Variants in ROR1 observed in about 807,000 individuals in gnomAD.
ROR1 encodes the protein inactive tyrosine-protein kinase transmembrane receptor ROR1.
Under a neutral mutation model 78.8 loss-of-function variants are expected in ROR1, and 19 were observed. That is an observed-to-expected ratio of 0.24 (90% CI 0.17 to 0.35). The LOEUF (loss-of-function observed/expected upper bound fraction) is 0.35, where lower values mean the gene tolerates loss of function less well. Ranked by LOEUF, ROR1 falls within the 10% of genes least tolerant of loss-of-function variation. The pLI is 1.00. For synonymous variants in ROR1, 386 were observed against 433.6 expected (o/e 0.89, Z 1.36); for missense variants, 917 against 1,177.8 (o/e 0.78, Z 3.24).
chr1:64,009,439 C>T (rs1268225462), intron 2 of ROR1, 63 bp downstream of exon 2: 12 of 1,257,284 alleles, frequency 9.5e-6, no homozygotes, highest in Non-Finnish European at 1.4e-5. Flanking sequence ...TTAATCCTGG[C>T]ATGACCTTCT....
At chr1:64,126,682 T>C (rs1648723905) in intron 4 of ROR1, among the ~76,000 whole-genome samples, 1 of 152,174 alleles carries the variant, frequency 6.6e-6, no homozygotes, top group East Asian at 1.9e-4. Flanking sequence ...ACCCTGGTCT[T>C]CTCATTTCCA....
intron 1 of ROR1, among the ~76,000 whole-genome samples, chr1:63,811,708 A>G (rs753931736): frequency 1.4e-4 from 21 of 152,112 alleles, no homozygotes; most frequent in Non-Finnish European, 1.8e-4. Context: ...CTGTCTCCTC[A>G]TCTGTGAGGT....
intron 1 of ROR1, among the ~76,000 whole-genome samples, chr1:63,888,568 C>T (rs141050981): frequency 2.1e-4 from 32 of 152,040 alleles, no homozygotes; most frequent in African/African-American, 5.5e-4. Flanking sequence ...GACTGCAGTG[C>T]GCTATAATTG....
At chr1:63,892,186 T>C (rs1645402717) in intron 1 of ROR1, among the ~76,000 whole-genome samples, 1 of 152,214 alleles carries the variant, frequency 6.6e-6, no homozygotes, top group Non-Finnish European at 1.5e-5. Flanking sequence ...ACACAGTTCA[T>C]TTCCTTGAAT....
chr1:64,140,609 T>A lies in ROR1; in HGVS notation c.928+183T>A, dbSNP rs551685276. ...ACATAGTTATCTTCAAGAAGCTTCA[T>A]GAAGACAATAATTTTAAAATATTGG... On this transcript the variant is annotated intron_variant, in intron 6 of 8. Coordinates refer to ENST00000371079, the MANE Select transcript of ROR1 (RefSeq NM_005012.4). Among the ~76,000 whole-genome samples, 4 of 152,338 alleles carry A rather than the reference T, an allele frequency of 2.6e-5. No homozygotes were observed. The East Asian group carries it at 7.7e-4, about 29-fold the overall frequency.
chr1:64,087,812 C>T (rs989040319), intron 4 of ROR1, among the ~76,000 whole-genome samples: 4 of 152,124 alleles, frequency 2.6e-5, no homozygotes, highest in South Asian at 2.1e-4. Flanking sequence ...GTCAGTCTGT[C>T]GACAAGGAAC....
intron 8 of ROR1, among the ~76,000 whole-genome samples, chr1:64,164,562 T>A (rs921764051): frequency 6.6e-6 from 1 of 152,200 alleles, no homozygotes; most frequent in Admixed American, 6.5e-5. Flanking sequence ...TAACCAGAAA[T>A]TACTATTATT....
intron 1 of ROR1, among the ~76,000 whole-genome samples, chr1:63,969,517 T>C (rs891543611): frequency 2.0e-5 from 3 of 152,100 alleles, no homozygotes; most frequent in African/African-American, 7.2e-5. Flanking sequence ...CTAACAACTG[T>C]GTATAAGTTG....
At chr1:64,151,303 C>T (rs1642384632) in intron 7 of ROR1, among the ~76,000 whole-genome samples, 1 of 152,154 alleles carries the variant, frequency 6.6e-6, no homozygotes, top group African/African-American at 2.4e-5. Context: ...TATAGTCAAC[C>T]CTCAGCAACC....
At chr1:63,832,805 C>T (rs1448681852) in intron 1 of ROR1, among the ~76,000 whole-genome samples, 2 of 152,204 alleles carry the variant, frequency 1.3e-5, no homozygotes, top group Admixed American at 6.5e-5. Flanking sequence ...ACTCAGAAGA[C>T]GGCACTCAGC....
At chr1:64,047,883 A>G (rs1473565429) in intron 2 of ROR1, among the ~76,000 whole-genome samples, 4 of 152,202 alleles carry the variant, frequency 2.6e-5, no homozygotes, top group Non-Finnish European at 5.9e-5. Flanking sequence ...AAGGATAATT[A>G]TTCATTGGCT....
chr1:63,935,301 T>C (rs1367410640), intron 1 of ROR1, among the ~76,000 whole-genome samples: 1 of 152,150 alleles, frequency 6.6e-6, no homozygotes, highest in African/African-American at 2.4e-5. Context: ...AGATCATTGG[T>C]CAGCATCAGA....
At chr1:63,986,079 C>T (rs931279924) in intron 1 of ROR1, among the ~76,000 whole-genome samples, 9 of 151,906 alleles carry the variant, frequency 5.9e-5, no homozygotes, top group African/African-American at 2.2e-4. Context: ...TACTGAAAGT[C>T]TAGATGGAAA....
intron 4 of ROR1, chr1:64,111,132 T>C (rs762876716): frequency 6.6e-6 from 1 of 152,208 alleles, no homozygotes; most frequent in Admixed American, 6.5e-5. Flanking sequence ...CTTATGTTTT[T>C]ACTAAAACTT....
chr1:63,846,517 A>G (rs989729167), intron 1 of ROR1, among the ~76,000 whole-genome samples: 4 of 152,134 alleles, frequency 2.6e-5, no homozygotes, highest in Non-Finnish European at 5.9e-5. Context: ...AGGTTTCCCA[A>G]CCAGATGTAC....
chr1:63,947,620 G>A lies in ROR1; in HGVS notation c.92-61685G>A, dbSNP rs147586233. Among the ~76,000 whole-genome samples the A allele has an allele frequency of 4.4e-3, 671 of 152,276 alleles. 8 individuals carry two copies. The highest frequency in any genetic ancestry group is 0.012 in the South Asian group (59 of 4,820). ...GAGGGCTTACTGTGAAGGAGGTGGG[G>A]TGGCCGGCGGGAGGTGATAGCTGAG... On this transcript the variant is annotated intron_variant, in intron 1 of 8. Coordinates refer to ENST00000371079, the MANE Select transcript of ROR1 (RefSeq NM_005012.4).
rs550033787 is a variant in ROR1 at position 63,977,179 on chromosome 1, C to T, written c.92-32126C>T. On this transcript the variant is annotated intron_variant, in intron 1 of 8. Transcript: ENST00000371079. Reference sequence around the variant, plus strand: ...ATGATTCATTTACCTCCCATTGGGTCCCTCCCATGACACATGGGGAATTAT... The same window carrying T: ...ATGATTCATTTACCTCCCATTGGGTTCCTCCCATGACACATGGGGAATTAT... 1.1e-3 allele frequency among the ~76,000 whole-genome samples: 160 copies of T among 152,194 alleles called. 2 individuals carry two copies. Among genetic ancestry groups the T allele is most frequent in the Admixed American group, 0.01 (158 of 15,276 alleles).
intron 4 of ROR1, among the ~76,000 whole-genome samples, chr1:64,081,983 TTCC>T (rs1330723632): frequency 6.6e-6 from 1 of 152,194 alleles, no homozygotes; most frequent in African/African-American, 2.4e-5. Context: ...AATAATTCTT[TTCC>T]CTTTAAAAGC....
chr1:63,913,607 T>C (rs1209012836), intron 1 of ROR1, among the ~76,000 whole-genome samples: 1 of 152,214 alleles, frequency 6.6e-6, no homozygotes, highest in Non-Finnish European at 1.5e-5. Flanking sequence ...AGGCTTATTT[T>C]GGACTGAAAG....
Sources: allele counts gnomAD v4.1 joint callset (sites outside exome capture counted in the v4.1 genomes callset), GRCh38; gene constraint gnomAD v4.1.1; transcripts MANE v1.5; gene names NCBI Gene and HGNC (gene_info 2026-07-23, HGNC 2026-07-21).